Variants in LRRC72 observed in about 807,000 individuals in gnomAD.
LRRC72 encodes leucine rich repeat containing 72, also known as leucine-rich repeat-containing protein 72.
Under a neutral mutation model 35.8 loss-of-function variants are expected in LRRC72, and 41 were observed. The ratio of observed to expected loss-of-function variants is 1.15; its 90% CI spans 0.89 to 1.49. The LOEUF is 1.49. LRRC72 is among the 40% of genes most tolerant of loss of function. The pLI is 0.00. For synonymous variants in LRRC72, 118 were observed against 119.2 expected (o/e 0.99, Z 0.07); for missense variants, 389 against 330.7 (o/e 1.18, Z -1.37).
chr7:16,548,824 A>G (rs1360933112), intron 3 of LRRC72, among the ~76,000 whole-genome samples: 1 of 152,232 alleles, frequency 6.6e-6, no homozygotes, highest in African/African-American at 2.4e-5. Context: ...CTGGTGAAGC[A>G]ATACCCCAAA....
At chr7:16,544,971 G>C (rs1442528934) in intron 3 of LRRC72, among the ~76,000 whole-genome samples, 1 of 152,082 alleles carries the variant, frequency 6.6e-6, no homozygotes, top group Non-Finnish European at 1.5e-5. Context: ...AAGAATAATT[G>C]AGATATTTAT....
chr7:16,565,429 CA>C (rs11284083), intron 5 of LRRC72, among the ~76,000 whole-genome samples: 14,313 of 115,050 alleles, frequency 0.12, 816 homozygotes, highest in East Asian at 0.26. Context: ...AAGACTCTGT[CA>C]AAAAAAAAAA....
At chr7:16,557,719 A>C (rs1782674974) in intron 4 of LRRC72, among the ~76,000 whole-genome samples, 1 of 152,180 alleles carries the variant, frequency 6.6e-6, no homozygotes, top group Non-Finnish European at 1.5e-5. Context: ...GCAAATTTTA[A>C]CAATAGTTGG....
chr7:16,537,501 C>A lies in LRRC72; in HGVS notation c.165-126C>A. ...TTTCTGAAATAAGCAGGTGAGTGTG[C>A]CAATAATTTTGAAAGGACAAAGAGA... is the stretch of plus-strand genomic sequence containing the variant. On this transcript the variant is annotated intron_variant, in intron 2 of 8. Coordinates refer to ENST00000401542, the MANE Select transcript of LRRC72 (RefSeq NM_001195280.2). 8.4e-6 allele frequency: 4 copies of A among 477,790 alleles called. No homozygotes were observed. In the South Asian group the frequency reaches 1.4e-4, roughly 16 times the overall value. 29.6% of individuals were successfully genotyped at this position (477,790 alleles called of 1,614,324 possible). A position where few individuals can be genotyped will look rare whatever the true frequency, so the allele number is the denominator to read the frequency against.
chr7:16,526,909 G>A lies in LRRC72; in HGVS notation c.-44G>A, dbSNP rs1401775140. ...TCTCTCTTCGGTGCCACCGGCGGGC[G>A]AGGCCGGATTAATCACCGCTGCTTC... On this transcript the variant is annotated 5_prime_UTR_variant, in exon 1 of 9. Coordinates refer to ENST00000401542, the MANE Select transcript of LRRC72 (RefSeq NM_001195280.2). 7 of 1,487,662 alleles carry A rather than the reference G, an allele frequency of 4.7e-6. No homozygotes were observed. Among genetic ancestry groups the A allele is most frequent in the Non-Finnish European group, 6.4e-6 (7 of 1,102,204 alleles). The allele number at this position is 1,487,662 out of a possible 1,614,324, so 92.2% of individuals were successfully genotyped here.
intron 3 of LRRC72, among the ~76,000 whole-genome samples, chr7:16,555,579 C>A (rs1445554525): frequency 2.0e-5 from 3 of 152,148 alleles, no homozygotes; most frequent in East Asian, 1.9e-4. Flanking sequence ...TCAAGACCAG[C>A]GTGGCCAACA....
At position 16,558,563 on chromosome 7, in the gene LRRC72, T is replaced by C. The variant is rs531019006; in HGVS notation, c.317-326T>C. On this transcript the variant is annotated intron_variant, in intron 4 of 8. Transcript: ENST00000401542. The stretch of plus-strand genomic sequence containing the variant: ...AGGCGGAGGTTACAGTGACCCGAGA[T>C]TGTGCCATTGCACTCCAGCCTGGGC... Among the ~76,000 whole-genome samples the C allele has an allele frequency of 2.6e-5, 4 of 152,100 alleles. No individual in the cohort carries two copies. The East Asian group carries it at 5.8e-4, about 22-fold the overall frequency.
At chr7:16,573,136 C>G (rs558394885) in intron 7 of LRRC72, among the ~76,000 whole-genome samples, 1 of 152,078 alleles carries the variant, frequency 6.6e-6, no homozygotes, top group African/African-American at 2.4e-5. Context: ...TAAACCACTG[C>G]TCAAGGAAAT....
intron 7 of LRRC72, among the ~76,000 whole-genome samples, chr7:16,574,756 C>T (rs1005138268): frequency 6.6e-6 from 1 of 151,696 alleles, no homozygotes; most frequent in Non-Finnish European, 1.5e-5. Flanking sequence ...ATGTAACAAG[C>T]CTGCACGTCC....
At chr7:16,540,496 C>T (rs1478598469) in intron 3 of LRRC72, among the ~76,000 whole-genome samples, 1 of 152,132 alleles carries the variant, frequency 6.6e-6, no homozygotes, top group Non-Finnish European at 1.5e-5. Flanking sequence ...CTTTGGGGAA[C>T]TGTTGGGAAG....
intron 7 of LRRC72, among the ~76,000 whole-genome samples, chr7:16,578,439 G>A (rs1471141058): frequency 3.9e-5 from 6 of 152,096 alleles, no homozygotes; most frequent in Non-Finnish European, 5.9e-5. Flanking sequence ...GCAGTGAGCC[G>A]AGATCGTGCC....
chr7:16,527,134 A>C (rs975552786), intron 1 of LRRC72, 92 bp downstream of exon 1: 76 of 969,356 alleles, frequency 7.8e-5, no homozygotes, highest in Non-Finnish European at 1.0e-4. Flanking sequence ...GCAGGTACTG[A>C]ATTTGGAGGG....
intron 5 of LRRC72, among the ~76,000 whole-genome samples, chr7:16,559,657 G>T (rs1782710714): frequency 6.6e-6 from 1 of 152,100 alleles, no homozygotes; most frequent in African/African-American, 2.4e-5. Flanking sequence ...GCAACACCGA[G>T]AGGTAACTGT....
rs188482888 is a variant in LRRC72 at position 16,532,092 on chromosome 7, T to G, written c.91-403T>G. On this transcript the variant is annotated intron_variant, in intron 1 of 8. Coordinates refer to ENST00000401542, the MANE Select transcript of LRRC72 (RefSeq NM_001195280.2). The stretch of plus-strand genomic sequence containing the variant: ...TACATTTTATCCTACTCTCTCCACC[T>G]CCAACCCTGATACTGCATGAATTCT... 3.2e-3 allele frequency among the ~76,000 whole-genome samples: 488 copies of G among 152,270 alleles called. 10 individuals are homozygous for G. Among genetic ancestry groups the G allele is most frequent in the Admixed American group, 0.029 (444 of 15,294 alleles).
At chr7:16,548,511 C>T (rs1474132080) in intron 3 of LRRC72, among the ~76,000 whole-genome samples, 2 of 152,242 alleles carry the variant, frequency 1.3e-5, no homozygotes, top group East Asian at 1.9e-4. Context: ...CTTCTAGGCA[C>T]CACACTGCAT....
intron 3 of LRRC72, among the ~76,000 whole-genome samples, chr7:16,544,921 C>A (rs541053277): frequency 4.8e-4 from 73 of 152,146 alleles, no homozygotes; most frequent in African/African-American, 1.7e-3. Context: ...CATAAAAGGA[C>A]GCTTCTGGCG....
At chr7:16,561,274 T>G (rs1488264947) in intron 5 of LRRC72, among the ~76,000 whole-genome samples, 1 of 152,232 alleles carries the variant, frequency 6.6e-6, no homozygotes, top group African/African-American at 2.4e-5. Context: ...CAAAATGATT[T>G]AATTTGCTAC....
intron 3 of LRRC72, among the ~76,000 whole-genome samples, chr7:16,553,536 C>T (rs1036693567): frequency 6.6e-6 from 1 of 152,208 alleles, no homozygotes; most frequent in African/African-American, 2.4e-5. Flanking sequence ...AATATATTTT[C>T]TTCTCTTGCA....
chr7:16,567,206 T>A (rs1299023661), intron 6 of LRRC72, among the ~76,000 whole-genome samples, 185 bp from the exon 7 acceptor site: 2 of 152,034 alleles, frequency 1.3e-5, no homozygotes, highest in Non-Finnish European at 2.9e-5. Flanking sequence ...ACATGTGGGG[T>A]GTATATTGAG....
Sources: gnomAD v4.1 joint callset for allele counts (sites outside exome capture counted in the v4.1 genomes callset) on GRCh38, gnomAD v4.1.1 for gene constraint, MANE v1.5 for transcripts, NCBI Gene and HGNC (gene_info 2026-07-23, HGNC 2026-07-21) for gene names.